The following LRRC7 variants were observed in gnomAD, a reference collection of about 807,000 sequenced individuals.
The protein encoded by LRRC7 is leucine rich repeat containing 7.
Under a neutral mutation model 175.7 loss-of-function variants are expected in LRRC7, and 23 were observed. The observed-to-expected ratio is 0.13, with a 90% confidence interval of 0.09 to 0.19. The LOEUF (loss-of-function observed/expected upper bound fraction) is 0.19. Among genes scored for constraint, LRRC7 ranks in the 10% least tolerant of loss-of-function variants. The pLI, the probability that LRRC7 is intolerant of heterozygous loss-of-function variation, is 1.00. For synonymous variants in LRRC7, 685 were observed against 680.9 expected (o/e 1.01, Z -0.09); for missense variants, 1,354 against 1,904.7 (o/e 0.71, Z 5.38).
At chr1:69,821,544 T>C (rs1679295987) in intron 4 of LRRC7, among the ~76,000 whole-genome samples, 2 of 152,280 alleles carry the variant, frequency 1.3e-5, no homozygotes, top group African/African-American at 4.8e-5. Flanking sequence ...CCTTAAAATA[T>C]TAATTTTGAT....
chr1:69,735,947 A>G (rs1668068619), intron 2 of LRRC7, among the ~76,000 whole-genome samples: 1 of 151,984 alleles, frequency 6.6e-6, no homozygotes, highest in Non-Finnish European at 1.5e-5. Context: ...TGATTAAATG[A>G]TTTTTTAAAT....
chr1:69,582,437 GT>G (rs34672522), intron 1 of LRRC7, among the ~76,000 whole-genome samples: 11,878 of 152,208 alleles, frequency 0.078, 562 homozygotes, highest in Middle Eastern at 0.11. Flanking sequence ...CAGATGTGCT[GT>G]TTTCCTGGTA....
chr1:69,693,278 TA>T (rs967054560), intron 2 of LRRC7, among the ~76,000 whole-genome samples: 5 of 151,642 alleles, frequency 3.3e-5, no homozygotes, highest in Non-Finnish European at 4.4e-5. Flanking sequence ...TCATTTCTAC[TA>T]AAAAAAAATT....
intron 7 of LRRC7, among the ~76,000 whole-genome samples, chr1:69,888,449 G>A (rs191027839): frequency 7.2e-5 from 11 of 152,300 alleles, no homozygotes; most frequent in Non-Finnish European, 1.5e-4. Context: ...CTTCCCAAGT[G>A]AGGCAATGCC....
rs538294926 is a variant in LRRC7, at chr1:69,830,745, G to A, written c.501-4035G>A. ...TGAGTTGAAATAAAACATAGATGTC[G>A]TTAAATAAGACATACTATGTAATCG... On this transcript the variant is annotated intron_variant, in intron 5 of 26. Transcript: ENST00000651989. Among the ~76,000 whole-genome samples, 51 of 151,890 alleles carry A rather than the reference G, an allele frequency of 3.4e-4. No individual in the cohort carries two copies. The Middle Eastern group carries it at 0.01, about 31-fold the overall frequency.
chr1:69,823,129 A>G (rs1006207672), intron 4 of LRRC7, among the ~76,000 whole-genome samples: 3 of 152,088 alleles, frequency 2.0e-5, no homozygotes, highest in African/African-American at 7.2e-5. Flanking sequence ...TCCCCTCTTA[A>G]TCCTCGATAT....
rs1172403797 is a variant in LRRC7, at chr1:70,082,781, A to ATTTT, written c.4452+6511_4452+6514dup. ...TATTAGTCAATCTTGATACCAGTAC[A>ATTTT]TTTTTTTTTTTTTTTTTTTTTTTTT... On this transcript the variant is annotated intron_variant, in intron 24 of 26. Coordinates refer to ENST00000651989, the MANE Select transcript of LRRC7 (RefSeq NM_001370785.2). Among the ~76,000 whole-genome samples, 140 of 52,266 alleles carry ATTTT rather than the reference A, an allele frequency of 2.7e-3. 31 individuals are homozygous for ATTTT. The highest frequency in any genetic ancestry group is 0.021 in the East Asian group (29 of 1,406). 34.3% of individuals were successfully genotyped at this position (52,266 alleles called of 152,430 possible). A position where few individuals can be genotyped will look rare whatever the true frequency, so the allele number is the denominator to read the frequency against.
In LRRC7 at chr1:69,588,524, A is replaced by T. The variant is rs145617223; in HGVS notation, c.2+19883A>T. Among the ~76,000 whole-genome samples, 1,389 of 152,286 alleles carry T rather than the reference A, an allele frequency of 9.1e-3. 11 individuals are homozygous for T. Among genetic ancestry groups the T allele is most frequent in the Middle Eastern group, 0.041 (12 of 294 alleles). ...ATAAATATAAAATAAAACAAATGCA[A>T]TATAGTGGATAAAGTATGAGCTTTG... On this transcript the variant is annotated intron_variant, in intron 1 of 26. Transcript: ENST00000651989.
intron 8 of LRRC7, among the ~76,000 whole-genome samples, chr1:69,959,058 C>G (rs191312882): frequency 2.3e-4 from 35 of 152,088 alleles, no homozygotes; most frequent in Non-Finnish European, 4.6e-4. Flanking sequence ...ATGAAAGAGT[C>G]TCAGAGAGTT....
chr1:69,959,120 A>C (rs1036395209), intron 8 of LRRC7, among the ~76,000 whole-genome samples: 2 of 152,058 alleles, frequency 1.3e-5, no homozygotes, highest in African/African-American at 4.8e-5. Flanking sequence ...TTCAATCCCT[A>C]TTTCAGGTAT....
intron 1 of LRRC7, among the ~76,000 whole-genome samples, chr1:69,578,651 A>G (rs1646059904): frequency 6.6e-6 from 1 of 151,788 alleles, no homozygotes; most frequent in Admixed American, 6.6e-5. Context: ...AGGGACATGG[A>G]TGAAATTGGA....
intron 7 of LRRC7, among the ~76,000 whole-genome samples, chr1:69,888,996 A>G (rs542271082): frequency 1.3e-5 from 2 of 152,358 alleles, no homozygotes; most frequent in Non-Finnish European, 2.9e-5. Context: ...TTTCCACTGC[A>G]TATAAACATT....
At chr1:70,008,662 A>G (rs1256171871) in intron 11 of LRRC7, among the ~76,000 whole-genome samples, 3 of 152,200 alleles carry the variant, frequency 2.0e-5, no homozygotes, top group Non-Finnish European at 4.4e-5. Context: ...GTATAAAGCA[A>G]ATTTTCACAT....
At chr1:69,803,746 A>G (rs746495422) in intron 4 of LRRC7, among the ~76,000 whole-genome samples, 11 of 151,228 alleles carry the variant, frequency 7.3e-5, no homozygotes, top group Admixed American at 1.3e-4. Context: ...ATAAATTACA[A>G]TCTAATTAGG....
At chr1:69,885,844 A>G (rs36161674) in intron 7 of LRRC7, among the ~76,000 whole-genome samples, 43,575 of 119,626 alleles carry the variant, frequency 0.36, 9,107 homozygotes, top group East Asian at 0.51. Flanking sequence ...TTCAAAGAAC[A>G]TCTTTATTTC....
intron 1 of LRRC7, among the ~76,000 whole-genome samples, chr1:69,585,614 A>G (rs567864198): frequency 2.0e-5 from 3 of 152,318 alleles, no homozygotes; most frequent in Non-Finnish European, 2.9e-5. Context: ...CATCATATGT[A>G]TAAGTATCTA....
At chr1:70,067,883 G>C (rs755492256) in intron 23 of LRRC7, among the ~76,000 whole-genome samples, 1 of 151,966 alleles carries the variant, frequency 6.6e-6, no homozygotes, top group Non-Finnish European at 1.5e-5. Flanking sequence ...ATTATACATG[G>C]TATTGCATTT....
intron 8 of LRRC7, among the ~76,000 whole-genome samples, chr1:69,951,087 C>T (rs1034839591): frequency 3.4e-5 from 5 of 146,186 alleles, no homozygotes; most frequent in Admixed American, 6.9e-5. Flanking sequence ...GGAACTTAAA[C>T]AAATTTACAA....
At position 70,053,010 on chromosome 1, in the gene LRRC7, A is replaced by G. The variant is rs1371664424; in HGVS notation, c.4111-16A>G. On this transcript the variant is annotated splice_polypyrimidine_tract_variant and intron_variant, in intron 22 of 26. Transcript: ENST00000651989. ...CTACTACATCACTAAAGAATGCCAT[A>G]CCATTTTTGCAATAGACCCCGTCCC... The G allele has an allele frequency of 6.3e-7, 1 of 1,590,606 alleles. No individual in the cohort carries two copies. Among genetic ancestry groups the G allele is most frequent in the Non-Finnish European group, 8.6e-7 (1 of 1,169,058 alleles).
Sources: allele counts gnomAD v4.1 joint callset (sites outside exome capture counted in the v4.1 genomes callset), GRCh38; gene constraint gnomAD v4.1.1; transcripts MANE v1.5; gene names NCBI Gene and HGNC (gene_info 2026-07-23, HGNC 2026-07-21).